Variants in ASIC2 observed in about 807,000 individuals in gnomAD.
The protein encoded by ASIC2 is acid-sensing ion channel 2.
In ASIC2, 25 loss-of-function variants were observed where a neutral mutation model predicts 57.3. The ratio of observed to expected loss-of-function variants is 0.44; its 90% CI spans 0.32 to 0.61. ASIC2 has a LOEUF of 0.61. Ranked by LOEUF, ASIC2 falls within the 20% of genes least tolerant of loss-of-function variation. The pLI is 0.06. For missense variants in ASIC2, 641 were observed against 738.1 expected (o/e 0.87, Z 1.52); for synonymous variants, 319 against 307.5 (o/e 1.04, Z -0.39).
chr17:33,379,974 G>A (rs1327035561), intron 1 of ASIC2, among the ~76,000 whole-genome samples: 1 of 152,132 alleles, frequency 6.6e-6, no homozygotes, highest in African/African-American at 2.4e-5. Flanking sequence ...TGCTGGGCAC[G>A]GAGGCTCATG....
chr17:33,182,341 T>C (rs1028659815), intron 1 of ASIC2, among the ~76,000 whole-genome samples: 9 of 152,102 alleles, frequency 5.9e-5, no homozygotes, highest in African/African-American at 2.2e-4. Flanking sequence ...CTTACTTACC[T>C]CCCAGGGTTC....
intron 1 of ASIC2, among the ~76,000 whole-genome samples, chr17:33,768,778 C>G (rs892947978): frequency 1.3e-5 from 2 of 152,256 alleles, no homozygotes; most frequent in South Asian, 2.1e-4. Context: ...ACCCTTCCCC[C>G]ATCCAGTCCC....
chr17:33,290,216 G>C (rs991524680), intron 1 of ASIC2, among the ~76,000 whole-genome samples: 1 of 152,240 alleles, frequency 6.6e-6, no homozygotes, highest in African/African-American at 2.4e-5. Flanking sequence ...GCCAATGAGA[G>C]ACCTGGTCTG....
At chr17:33,269,618 CCTTCCTT>C (rs1904369909) in intron 1 of ASIC2, among the ~76,000 whole-genome samples, 1 of 36,022 alleles carries the variant, frequency 2.8e-5, no homozygotes, top group Non-Finnish European at 6.0e-5. Context: ...TCCTTCCCTT[CCTTCCTT>C]CCTTCCTTCC....
At chr17:33,163,842 G>T (rs1426539626) in intron 1 of ASIC2, among the ~76,000 whole-genome samples, 1 of 152,164 alleles carries the variant, frequency 6.6e-6, no homozygotes, top group Non-Finnish European at 1.5e-5. Flanking sequence ...TTCAGTAGGT[G>T]GTTGGGGAGG....
chr17:34,024,544 T>A (rs1367801413), intron 1 of ASIC2, among the ~76,000 whole-genome samples: 1 of 152,320 alleles, frequency 6.6e-6, no homozygotes, highest in East Asian at 1.9e-4. Context: ...CTCCTGGCAC[T>A]AAAACCTCAT....
At chr17:34,135,204 C>T (rs541479068) in intron 1 of ASIC2, among the ~76,000 whole-genome samples, 2 of 152,246 alleles carry the variant, frequency 1.3e-5, no homozygotes, top group African/African-American at 4.8e-5. Context: ...CCAGCGATGG[C>T]CTGGTCAGCC....
chr17:33,422,778 C>A (rs1244254558), intron 1 of ASIC2, among the ~76,000 whole-genome samples: 1 of 152,190 alleles, frequency 6.6e-6, no homozygotes, highest in African/African-American at 2.4e-5. Flanking sequence ...TGCTAATCTC[C>A]AGCCCAGACT....
chr17:33,493,542 T>C (rs1038936272), intron 1 of ASIC2, among the ~76,000 whole-genome samples: 5 of 152,222 alleles, frequency 3.3e-5, no homozygotes, highest in African/African-American at 1.2e-4. Context: ...CATTCTTTCT[T>C]GCCCCCTTCA....
chr17:33,975,297 G>T (rs1672469525), intron 1 of ASIC2, among the ~76,000 whole-genome samples: 1 of 152,144 alleles, frequency 6.6e-6, no homozygotes, highest in Admixed American at 6.5e-5. Flanking sequence ...CCAAATAAAG[G>T]GTTGGGCCTC....
chr17:33,359,838 A>T (rs547582593), intron 1 of ASIC2, among the ~76,000 whole-genome samples: 1 of 152,188 alleles, frequency 6.6e-6, no homozygotes, highest in Non-Finnish European at 1.5e-5. Context: ...AAGGAAGTAC[A>T]TGCTGGGATG....
intron 1 of ASIC2, among the ~76,000 whole-genome samples, chr17:33,350,000 T>A (rs1386056917): frequency 6.6e-6 from 1 of 152,194 alleles, no homozygotes; most frequent in East Asian, 1.9e-4. Flanking sequence ...TTTATTCTAT[T>A]TAGTGGTGAA....
chr17:33,420,274 G>A (rs1192382652), intron 1 of ASIC2, among the ~76,000 whole-genome samples: 2 of 152,196 alleles, frequency 1.3e-5, no homozygotes, highest in African/African-American at 4.8e-5. Context: ...CATGCTTTCA[G>A]GAAATGTACT....
intron 1 of ASIC2, among the ~76,000 whole-genome samples, chr17:33,637,992 G>A (rs1906425677): frequency 6.6e-6 from 1 of 152,312 alleles, no homozygotes; most frequent in African/African-American, 2.4e-5. Context: ...TACAGAGTCT[G>A]CCTCTGGGTG....
intron 1 of ASIC2, among the ~76,000 whole-genome samples, chr17:33,184,890 C>T (rs1292659370): frequency 2.0e-5 from 3 of 152,188 alleles, no homozygotes; most frequent in African/African-American, 4.8e-5. Context: ...TTGGCATCAG[C>T]TTAATACAAG....
At chr17:33,735,769 T>C (rs993097105) in intron 1 of ASIC2, among the ~76,000 whole-genome samples, 49 of 152,256 alleles carry the variant, frequency 3.2e-4, no homozygotes, top group African/African-American at 1.1e-3. Context: ...GAATCAATTC[T>C]AATGATTAGA....
intron 1 of ASIC2, among the ~76,000 whole-genome samples, chr17:33,478,432 T>C (rs995366458): frequency 6.6e-6 from 1 of 152,238 alleles, no homozygotes; most frequent in African/African-American, 2.4e-5. Context: ...CTGCTAAGGC[T>C]GAAAAGTCCT....
At chr17:33,420,635 T>C (rs189775234) in intron 1 of ASIC2, among the ~76,000 whole-genome samples, 48 of 152,256 alleles carry the variant, frequency 3.2e-4, no homozygotes, top group Admixed American at 3.0e-3. Context: ...GATTGAGATA[T>C]AAGAGAATAG....
At chr17:33,075,323 C>G (rs1175687716) in intron 3 of ASIC2, among the ~76,000 whole-genome samples, 3 of 152,084 alleles carry the variant, frequency 2.0e-5, no homozygotes, top group African/African-American at 7.2e-5. Context: ...AAATGTGAGT[C>G]CCTTAAACCT....
Sources: gnomAD v4.1 joint callset for allele counts (sites outside exome capture counted in the v4.1 genomes callset) on GRCh38, gnomAD v4.1.1 for gene constraint, MANE v1.5 for transcripts, NCBI Gene and HGNC (gene_info 2026-07-23, HGNC 2026-07-21) for gene names.